Variants in CCDC62 observed in about 807,000 individuals in gnomAD.
The protein encoded by CCDC62 is coiled-coil domain containing 62.
A neutral mutation model predicts 80.8 loss-of-function variants in CCDC62; 72 were observed. The ratio of observed to expected loss-of-function variants is 0.89; its 90% CI spans 0.74 to 1.08. The LOEUF is 1.08. Among genes scored for constraint, CCDC62 ranks in the 50% least tolerant of loss-of-function variants. CCDC62 has a pLI of 0.00. For missense variants in CCDC62, 704 were observed against 809.4 expected, an observed-to-expected ratio of 0.87 and a Z score of 1.58; for synonymous variants, 286 against 296.5, an observed-to-expected ratio of 0.96 and a Z score of 0.36.
At chr12:122,803,963 G>GGGCACACACCACC in intron 9 of CCDC62, among the ~76,000 whole-genome samples, 1 of 152,208 alleles carries the variant, frequency 6.6e-6, no homozygotes, top group East Asian at 1.9e-4. Context: ...TGATTGAAGT[G>GGGCACACACCACC]ATTGCCTGTT....
chr12:122,805,187 CTTTT>C (rs35231650), intron 9 of CCDC62, among the ~76,000 whole-genome samples: 4 of 64,476 alleles, frequency 6.2e-5, no homozygotes, highest in Non-Finnish European at 1.1e-4. Flanking sequence ...AACTGGCCGG[CTTTT>C]TTTTTTTTTT....
intron 9 of CCDC62, among the ~76,000 whole-genome samples, chr12:122,803,062 T>A (rs1026235158): frequency 2.0e-5 from 3 of 152,070 alleles, no homozygotes; most frequent in South Asian, 4.1e-4. Flanking sequence ...TTTTTAAAAA[T>A]TGAGATGAGG....
chr12:122,783,610 T>A (rs2030013660), intron 3 of CCDC62, among the ~76,000 whole-genome samples: 1 of 152,174 alleles, frequency 6.6e-6, no homozygotes, highest in African/African-American at 2.4e-5. Context: ...ATTTTTATTT[T>A]ATGGTTTTTA....
intron 4 of CCDC62, among the ~76,000 whole-genome samples, chr12:122,786,315 T>TA (rs2030229611): frequency 1.2e-4 from 1 of 8,120 alleles, no homozygotes; most frequent in East Asian, 2.2e-3. Flanking sequence ...ACCCGGCTAA[T>TA]TTTTTTGTAT....
At chr12:122,812,208 C>A (rs548813763) in intron 10 of CCDC62, among the ~76,000 whole-genome samples, 1 of 151,830 alleles carries the variant, frequency 6.6e-6, no homozygotes, top group African/African-American at 2.4e-5. Context: ...TGTGGGAGTT[C>A]GAGGCGGATG....
intron 6 of CCDC62, among the ~76,000 whole-genome samples, chr12:122,792,693 A>AT (rs1465219137): frequency 1.3e-5 from 2 of 151,780 alleles, no homozygotes; most frequent in Non-Finnish European, 2.9e-5. Flanking sequence ...TAATTTTTAT[A>AT]TTTTTAGTAG....
chr12:122,818,827 G>A (rs2032282772), intron 11 of CCDC62, among the ~76,000 whole-genome samples: 2 of 152,036 alleles, frequency 1.3e-5, no homozygotes, highest in Admixed American at 6.6e-5. Flanking sequence ...GCTGAGGTAG[G>A]AGGATCATGA....
chr12:122,780,314 G>GA lies in CCDC62; in HGVS notation c.230-836dup, dbSNP rs78834464. Reference sequence around the variant, plus strand: ...CAACAGAGGGAGGCTCCGTCTCAACGAAAAAAAAAAAAAAGAAGGCCGGGC... The same window carrying GA: ...CAACAGAGGGAGGCTCCGTCTCAACGAAAAAAAAAAAAAAAGAAGGCCGGGC... On this transcript the variant is annotated intron_variant, in intron 2 of 12. Transcript: ENST00000253079. Among the ~76,000 whole-genome samples the GA allele has an allele frequency of 7.6e-3, 743 of 97,424 alleles. 7 individuals carry two copies. Among genetic ancestry groups the GA allele is most frequent in the African/African-American group, 0.021 (530 of 24,718 alleles). The allele number at this position is 97,424 out of a possible 152,430, so 63.9% of individuals were successfully genotyped here.
intron 9 of CCDC62, among the ~76,000 whole-genome samples, chr12:122,802,759 G>A (rs2031382942): frequency 6.6e-6 from 1 of 151,990 alleles, no homozygotes; most frequent in Admixed American, 6.6e-5. Context: ...TGGGCATGGT[G>A]GTGTACACCT....
chr12:122,820,699 C>T (rs147586037), intron 11 of CCDC62, among the ~76,000 whole-genome samples: 29 of 151,842 alleles, frequency 1.9e-4, no homozygotes, highest in Non-Finnish European at 3.5e-4. Flanking sequence ...CAAAAATTAC[C>T]CGGGCATGGT....
Position 122,801,462 on chromosome 12 carries a change from G to T in CCDC62, c.1316G>T (p.Gly439Val), listed in dbSNP as rs2031301678. Reference protein sequence around the residue: ...KIHTKSPKCHGTGVQNEGKQP... With the variant: ...KIHTKSPKCHVTGVQNEGKQP... ...CACACAAAATCACCAAAATGTCATG[G>T]CACTGGGGTTCAGAACGAAGGAAAA... The change falls in exon 9 of 13, where the codon GGC (glycine) becomes GTC (valine). Residue 439 changes from glycine (G) to valine (V), a missense_variant. Physicochemically the swap from Gly to Val is moderately radical, Grantham distance 109 (BLOSUM62 -3). Coordinates refer to ENST00000253079, the MANE Select transcript of CCDC62 (RefSeq NM_201435.5). 1 of 1,613,936 alleles carries T rather than the reference G, an allele frequency of 6.2e-7. No individual in the cohort carries two copies. The highest frequency in any genetic ancestry group is 1.3e-5 in the African/African-American group (1 of 74,886).
intron 6 of CCDC62, among the ~76,000 whole-genome samples, chr12:122,796,162 TA>T (rs963408908): frequency 1.3e-5 from 2 of 152,068 alleles, no homozygotes; most frequent in African/African-American, 4.8e-5. Flanking sequence ...AATATACATA[TA>T]TTTTTTTTTT....
rs1383195648 is a variant in CCDC62 at position 122,774,676 on chromosome 12, C to T, written c.6C>T (p.Asn2=). 1 of 1,255,208 alleles carries T rather than the reference C, an allele frequency of 8.0e-7. No individual in the cohort carries two copies. Among genetic ancestry groups the T allele is most frequent in the Non-Finnish European group, 1.0e-6 (1 of 991,062 alleles). The allele number at this position is 1,255,208 out of a possible 1,614,324, so 77.8% of individuals were successfully genotyped here. A position where few individuals can be genotyped will look rare whatever the true frequency, so the allele number is the denominator to read the frequency against. M[N]PPAAFLAGRQ... is the part of the protein sequence containing the mutation. ...CGGGGGCGGAGGAAACACCTATGAA[C>T]CCTCCGGCAGCCTTCCTTGCCGGGC... The change falls in exon 1 of 13, where the codon AAC becomes AAT. Residue 2 remains asparagine, a synonymous_variant. Coordinates refer to ENST00000253079, the MANE Select transcript of CCDC62 (RefSeq NM_201435.5).
chr12:122,811,584 C>T (rs1389756087), intron 10 of CCDC62, among the ~76,000 whole-genome samples: 2 of 150,164 alleles, frequency 1.3e-5, no homozygotes, highest in Non-Finnish European at 3.0e-5. Context: ...CTTTTGGAGG[C>T]TAAGGAAGGG....
At chr12:122,805,255 C>T (rs986762440) in intron 9 of CCDC62, among the ~76,000 whole-genome samples, 4 of 138,762 alleles carry the variant, frequency 2.9e-5, no homozygotes, top group African/African-American at 1.1e-4. Context: ...TTAGATGATC[C>T]TATCTTTAGA....
At chr12:122,778,954 G>T (rs1879655486) in intron 2 of CCDC62, among the ~76,000 whole-genome samples, 1 of 152,034 alleles carries the variant, frequency 6.6e-6, no homozygotes, top group African/African-American at 2.4e-5. Flanking sequence ...ATTTTACTCT[G>T]ACCACACCCA....
intron 3 of CCDC62, among the ~76,000 whole-genome samples, chr12:122,783,079 C>G (rs1411115543): frequency 6.7e-6 from 1 of 149,722 alleles, no homozygotes; most frequent in African/African-American, 2.4e-5. Flanking sequence ...TGCACTCCAG[C>G]CTGGGGGAAA....
chr12:122,774,574 T>A lies in CCDC62; in HGVS notation c.-97T>A. The A allele has an allele frequency of 1.0e-6, 1 of 965,828 alleles. No homozygotes were observed. 59.8% of individuals were successfully genotyped at this position (965,828 alleles called of 1,614,324 possible). On this transcript the variant is annotated 5_prime_UTR_variant, in exon 1 of 13. Transcript: ENST00000253079. Reference sequence around the variant, plus strand: ...GGCCGAGGGCGCGGGGCCCCGGGGCTCCGGGCTCGCCCCCGCCGCTCGGGG... The same window carrying A: ...GGCCGAGGGCGCGGGGCCCCGGGGCACCGGGCTCGCCCCCGCCGCTCGGGG...
chr12:122,790,865 T>C (rs768348733), intron 5 of CCDC62, among the ~76,000 whole-genome samples: 12 of 152,110 alleles, frequency 7.9e-5, no homozygotes, highest in Non-Finnish European at 1.3e-4. Context: ...TGACTCTTCA[T>C]GAATGACAAA....
Sources: gnomAD v4.1 joint callset for allele counts (sites outside exome capture counted in the v4.1 genomes callset) on GRCh38, gnomAD v4.1.1 for gene constraint, MANE v1.5 for transcripts, NCBI Gene and HGNC (gene_info 2026-07-23, HGNC 2026-07-21) for gene names.